Variants in NLGN1 observed in about 807,000 individuals in gnomAD.
NLGN1 encodes neuroligin-1.
In NLGN1, 12 loss-of-function variants were observed where a neutral mutation model predicts 65.5. The ratio of observed to expected loss-of-function variants is 0.18; its 90% CI spans 0.12 to 0.30. The LOEUF is 0.30. NLGN1 is among the 10% of genes least tolerant of loss of function. NLGN1 has a pLI of 1.00. For missense variants in NLGN1, 750 were observed against 1,007.1 expected (o/e 0.74, Z 3.46); for synonymous variants, 350 against 359.5 (o/e 0.97, Z 0.30).
chr3:173,883,814 CTTTTTTTTTTTT>C (rs74363696), intron 4 of NLGN1, among the ~76,000 whole-genome samples: 1 of 96,476 alleles, frequency 1.0e-5, no homozygotes, highest in South Asian at 3.2e-4. Context: ...GGGAAACTTT[CTTTTTTTTTTTT>C]TTTTTTTTTA....
At chr3:173,747,052 TTATA>T (rs201945244) in intron 3 of NLGN1, among the ~76,000 whole-genome samples, 48 of 81,794 alleles carry the variant, frequency 5.9e-4, no homozygotes, top group Non-Finnish European at 1.0e-3. Flanking sequence ...AAAGAAAAAA[TTATA>T]TATACACACA....
chr3:173,434,747 T>C (rs1310733847), intron 1 of NLGN1, among the ~76,000 whole-genome samples: 1 of 152,222 alleles, frequency 6.6e-6, no homozygotes, highest in Non-Finnish European at 1.5e-5. Context: ...TGTAGTTATT[T>C]ATCCAATTTT....
intron 4 of NLGN1, among the ~76,000 whole-genome samples, chr3:174,076,134 G>T (rs1372142524): frequency 6.6e-6 from 1 of 151,932 alleles, no homozygotes; most frequent in Non-Finnish European, 1.5e-5. Flanking sequence ...TTTAAAGCAA[G>T]ATGTTTTGTC....
chr3:173,461,686 G>A (rs1424646787), intron 2 of NLGN1, among the ~76,000 whole-genome samples: 2 of 150,612 alleles, frequency 1.3e-5, no homozygotes, highest in Non-Finnish European at 3.0e-5. Flanking sequence ...AATCATGTCC[G>A]GTTACTCACA....
chr3:174,033,808 G>T (rs751766850), intron 4 of NLGN1, among the ~76,000 whole-genome samples: 307 of 152,076 alleles, frequency 2.0e-3, no homozygotes, highest in Non-Finnish European at 3.8e-3. Context: ...AAAATTATAT[G>T]ACAATTTTTA....
Position 173,584,200 on chromosome 3 carries a change from C to T in NLGN1, c.-320-20079C>T, listed in dbSNP as rs566237607. Among the ~76,000 whole-genome samples the T allele has an allele frequency of 2.0e-5, 3 of 149,782 alleles. No homozygotes were observed. In the South Asian group the frequency reaches 6.3e-4, roughly 31 times the overall value. The stretch of plus-strand genomic sequence containing the variant: ...CTATTCATGTTAATTGCAGTTCAGC[C>T]TTCTTTAACTACTGCAGTAGCCAGT... On this transcript the variant is annotated intron_variant, in intron 2 of 6. Transcript: ENST00000457714.
intron 4 of NLGN1, among the ~76,000 whole-genome samples, chr3:174,014,749 A>C (rs1039999937): frequency 2.0e-5 from 3 of 152,170 alleles, no homozygotes; most frequent in Admixed American, 6.6e-5. Flanking sequence ...CAAGTTATTC[A>C]ATCTTTCTGA....
chr3:174,241,650 CT>C (rs749477095), intron 4 of NLGN1, among the ~76,000 whole-genome samples: 16,550 of 143,622 alleles, frequency 0.12, 1,503 homozygotes, highest in African/African-American at 0.27. Context: ...TCCAACATAT[CT>C]TTTTTTTTTT....
chr3:173,781,542 T>C (rs942450294), intron 3 of NLGN1, among the ~76,000 whole-genome samples: 13 of 152,194 alleles, frequency 8.5e-5, no homozygotes, highest in African/African-American at 2.9e-4. Flanking sequence ...AATGGATACA[T>C]TGTTGTCAAA....
chr3:173,871,303 T>C (rs1731122309), intron 4 of NLGN1, among the ~76,000 whole-genome samples: 1 of 152,180 alleles, frequency 6.6e-6, no homozygotes, highest in Non-Finnish European at 1.5e-5. Context: ...GAAAAAAAGA[T>C]GTATTAAGCT....
chr3:173,650,001 C>CA (rs1758890301), intron 3 of NLGN1, among the ~76,000 whole-genome samples: 5 of 151,930 alleles, frequency 3.3e-5, no homozygotes, highest in Admixed American at 3.3e-4. Context: ...TTTCTTTTTG[C>CA]AAAAAAACCT....
chr3:173,985,905 G>A (rs1323491769), intron 4 of NLGN1, among the ~76,000 whole-genome samples: 2 of 151,962 alleles, frequency 1.3e-5, no homozygotes, highest in Non-Finnish European at 2.9e-5. Flanking sequence ...AGCTGAGATG[G>A]TGCCACTGAA....
exon 7 of NLGN1, chr3:174,282,128 A>G (rs1408778587): frequency 1.3e-5 from 2 of 152,324 alleles, no homozygotes; most frequent in African/African-American, 2.4e-5. Flanking sequence ...TGAAGAAACT[A>G]TAGGTATAGT....
intron 2 of NLGN1, among the ~76,000 whole-genome samples, chr3:173,549,896 C>T (rs1182239126): frequency 4.6e-5 from 7 of 152,058 alleles, no homozygotes; most frequent in African/African-American, 1.7e-4. Flanking sequence ...CTAACCTTTT[C>T]CAGTGAACCA....
downstream of NLGN1, among the ~76,000 whole-genome samples, chr3:174,290,069 A>G (rs1752591664): frequency 6.7e-6 from 1 of 150,062 alleles, no homozygotes; most frequent in African/African-American, 2.4e-5. Flanking sequence ...AATAGAAGAT[A>G]AAAGTAAGTT....
At chr3:173,921,255 T>C (rs1379297645) in intron 4 of NLGN1, among the ~76,000 whole-genome samples, 1 of 147,628 alleles carries the variant, frequency 6.8e-6, no homozygotes, top group Non-Finnish European at 1.5e-5. Flanking sequence ...ATATATGTAG[T>C]ATATATAATA....
chr3:173,663,971 CT>C (rs1288150828), intron 3 of NLGN1, among the ~76,000 whole-genome samples: 2 of 151,668 alleles, frequency 1.3e-5, no homozygotes, highest in Non-Finnish European at 1.5e-5. Context: ...TGTTTTTCCC[CT>C]TTAGCAAAAT....
At chr3:173,570,479 C>G (rs759946192) in intron 2 of NLGN1, among the ~76,000 whole-genome samples, 1 of 152,018 alleles carries the variant, frequency 6.6e-6, no homozygotes, top group Non-Finnish European at 1.5e-5. Context: ...AATCCAGAGA[C>G]CTGAAATCTT....
At chr3:174,130,148 G>A (rs1393800071) in intron 4 of NLGN1, among the ~76,000 whole-genome samples, 1 of 152,214 alleles carries the variant, frequency 6.6e-6, no homozygotes, top group African/African-American at 2.4e-5. Flanking sequence ...GCCAAGGCAG[G>A]TGGAGCACCT....
Sources: allele counts gnomAD v4.1 joint callset (sites outside exome capture counted in the v4.1 genomes callset), GRCh38; gene constraint gnomAD v4.1.1; transcripts MANE v1.5; gene names NCBI Gene and HGNC (gene_info 2026-07-23, HGNC 2026-07-21).